Variants in SMUG1 observed in about 807,000 individuals in gnomAD.
SMUG1 encodes the protein single-strand-selective monofunctional uracil-DNA glycosylase 1.
Under a neutral mutation model 23.9 loss-of-function variants are expected in SMUG1, and 13 were observed. The ratio of observed to expected loss-of-function variants is 0.54; its 90% confidence interval spans 0.35 to 0.86. SMUG1 has a LOEUF of 0.86. SMUG1 is among the 40% of genes least tolerant of loss of function. The pLI is 0.01. For missense variants in SMUG1, 313 were observed against 339.5 expected (o/e 0.92, Z 0.61); for synonymous variants, 133 against 139.8 (o/e 0.95, Z 0.34).
chr12:54,162,278 G>T (rs1178378029), downstream of SMUG1: 1 of 152,250 alleles, frequency 6.6e-6, no homozygotes, highest in Non-Finnish European at 1.5e-5. Flanking sequence ...CACATGGAAG[G>T]TTTGAGGGTT....
chr12:54,162,764 CA>C (rs942423891), downstream of SMUG1: 5 of 152,200 alleles, frequency 3.3e-5, no homozygotes, highest in Admixed American at 1.3e-4. Flanking sequence ...GCTCTGTGGA[CA>C]GGGGTGGACA....
At chr12:54,164,725 C>T (rs1411117707), downstream of SMUG1, 1 of 152,240 alleles carries the variant, frequency 6.6e-6, no homozygotes, top group Non-Finnish European at 1.5e-5. Flanking sequence ...ACCCAGGGGT[C>T]CACACCTCCT....
Position 54,183,739 on chromosome 12 carries a change from A to G in SMUG1, c.202T>C (p.Tyr68His). The G allele has an allele frequency of 6.2e-7, 1 of 1,614,062 alleles. No individual in the cohort carries two copies. Among genetic ancestry groups the G allele is most frequent in the Non-Finnish European group, 8.5e-7 (1 of 1,179,968 alleles). Residue 68 changes from tyrosine (Y) to histidine (H), a missense_variant, in exon 3 of 4, where the codon TAC becomes CAC. Transcript: ENST00000682136. ...GGGCCCTGGCAGTAGCGAGTCACGT[A>G]GTTGCGATGTGGCTCCCATGCATAC... Reference protein sequence around the residue: ...VEYAWEPHRNYVTRYCQGPKE... With the variant: ...VEYAWEPHRNHVTRYCQGPKE...
At chr12:54,167,826 C>T (rs1940519882) in intron 3 of SMUG1, among the ~76,000 whole-genome samples, 1 of 152,164 alleles carries the variant, frequency 6.6e-6, no homozygotes, top group Non-Finnish European at 1.5e-5. Flanking sequence ...ATATGCTTAT[C>T]AAAGCTCTCT....
downstream of SMUG1, among the ~76,000 whole-genome samples, chr12:54,178,262 G>A (rs1464549306): frequency 6.6e-6 from 1 of 152,088 alleles, no homozygotes; most frequent in East Asian, 1.9e-4. Context: ...AGTGTCCTTA[G>A]GGAAAGGCAG....
chr12:54,181,843 C>G lies in SMUG1; in HGVS notation c.*253G>C. The G allele has an allele frequency of 7.0e-7, 1 of 1,420,468 alleles. No individual in the cohort carries two copies. The highest frequency in any genetic ancestry group is 1.6e-5 in the South Asian group (1 of 62,044). 88.0% of individuals were successfully genotyped at this position (1,420,468 alleles called of 1,614,324 possible). A position where few individuals can be genotyped will look rare whatever the true frequency, so the allele number is the denominator to read the frequency against. Reference sequence around the variant, plus strand: ...CAAAAGCACACCTTCTGCAGATTCCCTACAAAGTGGGGTCCCCTGAAAGGG... The same window carrying G: ...CAAAAGCACACCTTCTGCAGATTCCGTACAAAGTGGGGTCCCCTGAAAGGG... On this transcript the variant is annotated 3_prime_UTR_variant, in exon 4 of 4. Transcript: ENST00000682136.
At chr12:54,188,308 AATAAT>A (rs1943034185) in intron 1 of SMUG1, among the ~76,000 whole-genome samples, 3 of 128,708 alleles carry the variant, frequency 2.3e-5, no homozygotes, top group African/African-American at 1.0e-4. Context: ...TAATAATAAT[AATAAT>A]AATAATAATA....
At chr12:54,170,590 ACTT>A (rs1345609592) in intron 3 of SMUG1, among the ~76,000 whole-genome samples, 1 of 151,720 alleles carries the variant, frequency 6.6e-6, no homozygotes, top group Non-Finnish European at 1.5e-5. Flanking sequence ...TACCTCCACA[ACTT>A]TTTTTAGTTT....
downstream of SMUG1, among the ~76,000 whole-genome samples, chr12:54,177,771 C>T (rs574363790): frequency 6.2e-4 from 95 of 152,174 alleles, no homozygotes; most frequent in Non-Finnish European, 1.1e-3. Context: ...TGATCAGCTA[C>T]CTAAGCCCCT....
intron 3 of SMUG1, among the ~76,000 whole-genome samples, chr12:54,169,753 T>C (rs1234956558): frequency 6.6e-6 from 1 of 152,240 alleles, no homozygotes; most frequent in Non-Finnish European, 1.5e-5. Flanking sequence ...CTATTCTGCA[T>C]GCTGTGAGTA....
downstream of SMUG1, chr12:54,162,043 T>G (rs1189243033): frequency 6.6e-6 from 1 of 152,620 alleles, no homozygotes; most frequent in Non-Finnish European, 1.5e-5. Context: ...AAGTGCTTTC[T>G]GGCTACCAGC....
chr12:54,184,496 C>A (rs1476212925), intron 2 of SMUG1, among the ~76,000 whole-genome samples: 2 of 152,186 alleles, frequency 1.3e-5, no homozygotes, highest in East Asian at 3.9e-4. Flanking sequence ...CCTCATTGAT[C>A]CTCACAACAA....
Position 54,182,188 on chromosome 12 carries a change from AG to A in SMUG1, c.720del (p.Ser241LeufsTer19), listed in dbSNP as rs759357925. 5.0e-6 allele frequency: 8 copies of A among 1,610,078 alleles called. No individual in the cohort carries two copies. In the East Asian group the frequency reaches 1.8e-4, roughly 36 times the overall value. On this transcript the variant is annotated frameshift_variant, in exon 4 of 4. Coordinates refer to ENST00000682136, the MANE Select transcript of SMUG1 (RefSeq NM_001243787.2). LOFTEE classifies it high-confidence loss of function. ...TTGTTGGCCTGTGGGTTACGGGGAG[AG>A]GGATGCAGGAGCCCTTCCACCTGGA... is the stretch of plus-strand genomic sequence containing the variant. The part of the protein sequence containing the change: ...PEVQVEGLLH[P>X]SPRNPQANKG...
chr12:54,158,696 T>A (rs1483973361), intron 4 of SMUG1, among the ~76,000 whole-genome samples: 1 of 152,074 alleles, frequency 6.6e-6, no homozygotes, highest in African/African-American at 2.4e-5. Flanking sequence ...AGCGTCCAGT[T>A]CAGTGTCACC....
downstream of SMUG1, among the ~76,000 whole-genome samples, chr12:54,161,370 A>G (rs1025930548): frequency 3.3e-5 from 5 of 152,284 alleles, no homozygotes; most frequent in South Asian, 4.2e-4. The surrounding 1 kb of genome is among the most constrained non-coding windows in gnomAD (Gnocchi z 4.2). Flanking sequence ...GCAGAGCCCC[A>G]GACCAAGGGC....
At chr12:54,159,284 C>T (rs1347575432) in intron 4 of SMUG1, among the ~76,000 whole-genome samples, 1 of 152,198 alleles carries the variant, frequency 6.6e-6, no homozygotes, top group South Asian at 2.1e-4. Flanking sequence ...ACAGGTAGAG[C>T]TGAGCAGCTG....
At chr12:54,164,268 G>A (rs1318563765), downstream of SMUG1, 1 of 152,374 alleles carries the variant, frequency 6.6e-6, no homozygotes, top group Non-Finnish European at 1.5e-5. Flanking sequence ...AGATGGGGAT[G>A]GGGGAAACAA....
At chr12:54,185,872 A>AAAGAAATGGGAGAGGAAG (rs1224669764) in intron 2 of SMUG1, among the ~76,000 whole-genome samples, 1 of 152,158 alleles carries the variant, frequency 6.6e-6, no homozygotes, top group Admixed American at 6.6e-5. Flanking sequence ...TGAAGGGAGA[A>AAAGAAATGGGAGAGGAAG]AAGAAATGGG....
At chr12:54,167,956 T>C (rs1940524476) in intron 3 of SMUG1, among the ~76,000 whole-genome samples, 2 of 152,340 alleles carry the variant, frequency 1.3e-5, no homozygotes, top group South Asian at 4.1e-4. Context: ...ATAATGTTCA[T>C]GGAATTGAAT....
Sources: gnomAD v4.1 joint callset for allele counts (sites outside exome capture counted in the v4.1 genomes callset) on GRCh38, gnomAD v4.1.1 for gene constraint, Gnocchi (gnomAD v3.1) non-coding constraint, MANE v1.5 for transcripts, NCBI Gene and HGNC (gene_info 2026-07-23, HGNC 2026-07-21) for gene names.